SLC17A6: variants seen among roughly 807,000 people sequenced by gnomAD.
The protein encoded by SLC17A6 is vesicular glutamate transporter 2.
In SLC17A6, 35 loss-of-function variants were observed where a neutral mutation model predicts 67.1. That is an observed-to-expected ratio of 0.52 (90% CI 0.40 to 0.69). The LOEUF is 0.69. SLC17A6 is among the 30% of genes least tolerant of loss of function. The probability of loss-of-function intolerance (pLI) is 0.00; values close to 1 mark genes in which losing one functional copy is unlikely to be tolerated. For synonymous variants in SLC17A6, 285 were observed against 252.3 expected, an observed-to-expected ratio of 1.13 and a Z score of -1.23; for missense variants, 588 against 723.9, an observed-to-expected ratio of 0.81 and a Z score of 2.15.
chr11:22,339,494 T>C (rs977092516), intron 1 of SLC17A6, among the ~76,000 whole-genome samples: 5 of 152,138 alleles, frequency 3.3e-5, no homozygotes, highest in Admixed American at 2.0e-4. Context: ...TATTTAATCC[T>C]CCTGTAGTCA....
intron 3 of SLC17A6, among the ~76,000 whole-genome samples, chr11:22,359,067 C>T (rs990655287): frequency 6.6e-6 from 1 of 152,130 alleles, no homozygotes; most frequent in Admixed American, 6.5e-5. Context: ...AGCTCTTACC[C>T]TTAAGCAGTT....
chr11:22,355,458 G>T (rs974844314), intron 3 of SLC17A6, among the ~76,000 whole-genome samples: 1 of 152,092 alleles, frequency 6.6e-6, no homozygotes, highest in African/African-American at 2.4e-5. Flanking sequence ...GAACTTAGGT[G>T]GTTGTTAACC....
chr11:22,366,913 G>C (rs1856119056), intron 7 of SLC17A6, among the ~76,000 whole-genome samples: 1 of 149,268 alleles, frequency 6.7e-6, no homozygotes, highest in African/African-American at 2.5e-5. Flanking sequence ...GGCTAAGACA[G>C]AGGAATTGCT....
intron 3 of SLC17A6, among the ~76,000 whole-genome samples, chr11:22,350,968 ATAT>A (rs1392111862): frequency 1.3e-5 from 2 of 152,138 alleles, no homozygotes; most frequent in African/African-American, 4.8e-5. Flanking sequence ...ATACTGCCTG[ATAT>A]TATATAAAAC....
chr11:22,377,850 G>A lies in SLC17A6; in HGVS notation c.*110G>A. ...ACTTGCAAGCATATCAACCAGGCAA[G>A]TCTTGCTGTAAAAATGAAAACAAAA... is the stretch of plus-strand genomic sequence containing the variant. On this transcript the variant is annotated 3_prime_UTR_variant, in exon 12 of 12. Coordinates refer to ENST00000263160, the MANE Select transcript of SLC17A6 (RefSeq NM_020346.3). The A allele has an allele frequency of 1.1e-6, 1 of 888,330 alleles. No homozygotes were observed. Among genetic ancestry groups the A allele is most frequent in the Non-Finnish European group, 1.7e-6 (1 of 598,148 alleles). The allele number at this position is 888,330 out of a possible 1,614,324, so 55.0% of individuals were successfully genotyped here. A position where few individuals can be genotyped will look rare whatever the true frequency, so the allele number is the denominator to read the frequency against.
At chr11:22,361,538 G>A (rs780256087) in intron 5 of SLC17A6, among the ~76,000 whole-genome samples, 2 of 152,144 alleles carry the variant, frequency 1.3e-5, no homozygotes, top group African/African-American at 2.4e-5. Flanking sequence ...TTAAATTAAT[G>A]TGATCTTTAA....
At chr11:22,360,172 TACA>T (rs1248856547) in intron 4 of SLC17A6, among the ~76,000 whole-genome samples, 1 of 151,710 alleles carries the variant, frequency 6.6e-6, no homozygotes. Flanking sequence ...TCATGTCCTT[TACA>T]GAGACACAGA....
intron 1 of SLC17A6, among the ~76,000 whole-genome samples, chr11:22,339,672 T>C (rs1258026443): frequency 1.3e-5 from 2 of 152,300 alleles, no homozygotes; most frequent in East Asian, 1.9e-4. Context: ...TTGAAGTCTC[T>C]GTAAATGCAT....
intron 6 of SLC17A6, among the ~76,000 whole-genome samples, chr11:22,363,509 A>G (rs1411225040): frequency 6.6e-6 from 1 of 152,212 alleles, no homozygotes; most frequent in Non-Finnish European, 1.5e-5. Context: ...ATCCCAACTG[A>G]TATTGTCACT....
At chr11:22,354,996 A>G (rs1359177934) in intron 3 of SLC17A6, among the ~76,000 whole-genome samples, 1 of 152,252 alleles carries the variant, frequency 6.6e-6, no homozygotes, top group Non-Finnish European at 1.5e-5. Context: ...TTAGCCTAAC[A>G]GTAATCCTAA....
chr11:22,379,111 T>C lies in SLC17A6; in HGVS notation c.*1371T>C, dbSNP rs1312085627. ...CTGTATATTACCTTCATTTTGCTTGTAGTAGCTGTTTGGGTGGTTGGAATA... is the reference window on the plus strand; with the variant it reads ...CTGTATATTACCTTCATTTTGCTTGCAGTAGCTGTTTGGGTGGTTGGAATA... On this transcript the variant is annotated 3_prime_UTR_variant, in exon 12 of 12. Coordinates refer to ENST00000263160, the MANE Select transcript of SLC17A6 (RefSeq NM_020346.3). 6.6e-6 allele frequency: 1 copy of C among 152,552 alleles called. No homozygotes were observed. The highest frequency in any genetic ancestry group is 1.5e-5 in the Non-Finnish European group (1 of 67,982). 9.4% of individuals were successfully genotyped at this position (152,552 alleles called of 1,614,324 possible). A position where few individuals can be genotyped will look rare whatever the true frequency, so the allele number is the denominator to read the frequency against.
chr11:22,365,608 G>A lies in SLC17A6; in HGVS notation c.810G>A (p.Lys270=). The stretch of plus-strand genomic sequence containing the variant: ...TGGTGTCTTATGAAAGTCCTGCAAA[G>A]CATCCTACTATTACAGATGAAGAAC... ...WLLVSYESPA[K]HPTITDEERR... The change falls in exon 7 of 12, where the codon AAG becomes AAA. Residue 270 remains lysine, a synonymous_variant. Coordinates refer to ENST00000263160, the MANE Select transcript of SLC17A6 (RefSeq NM_020346.3). 1 of 1,613,980 alleles carries A rather than the reference G, an allele frequency of 6.2e-7. No individual in the cohort carries two copies. Among genetic ancestry groups the A allele is most frequent in the African/African-American group, 1.3e-5 (1 of 75,042 alleles).
rs1410901409 is a variant in SLC17A6 at position 22,359,464 on chromosome 11, A to G, written c.510A>G (p.Pro170=). 3.1e-6 allele frequency: 5 copies of G among 1,604,846 alleles called. No homozygotes were observed. The highest frequency in any genetic ancestry group is 2.3e-5 in the East Asian group (1 of 44,318). The change falls in exon 4 of 12, where the codon CCA becomes CCG. Residue 170 remains proline, a synonymous_variant. Transcript: ENST00000263160. ...LLTSTLNMLI[P]SAARVHYGCV... is the part of the protein sequence containing the mutation. ...CCTCTACCCTAAATATGCTAATTCC[A>G]TCAGCAGCCAGAGTGCATTATGGAT... is the stretch of plus-strand genomic sequence containing the variant.
In SLC17A6 at chr11:22,345,069, G is replaced by C. The variant is rs140395792; in HGVS notation, c.458+1704G>C. Among the ~76,000 whole-genome samples, 497 of 151,944 alleles carry C rather than the reference G, an allele frequency of 3.3e-3. 2 individuals are homozygous for C. Among genetic ancestry groups the C allele is most frequent in the African/African-American group, 0.012 (477 of 41,430 alleles). On this transcript the variant is annotated intron_variant, in intron 3 of 11. Coordinates refer to ENST00000263160, the MANE Select transcript of SLC17A6 (RefSeq NM_020346.3). ...AAAATATAATGGTGGTGACTTTAAG[G>C]GTTTTTTTCAGAGTCAAAATATTCA...
chr11:22,363,787 T>G (rs1332264437), intron 6 of SLC17A6, among the ~76,000 whole-genome samples: 1 of 152,148 alleles, frequency 6.6e-6, no homozygotes, highest in Non-Finnish European at 1.5e-5. Flanking sequence ...ACATTTTTTT[T>G]TTCTTAGGGA....
chr11:22,369,488 A>C (rs963151703), intron 7 of SLC17A6, among the ~76,000 whole-genome samples: 1 of 152,044 alleles, frequency 6.6e-6, no homozygotes, highest in Non-Finnish European at 1.5e-5. Flanking sequence ...ACTAGCTATC[A>C]AGATAATTTA....
intron 2 of SLC17A6, among the ~76,000 whole-genome samples, chr11:22,342,347 C>A (rs529353395): frequency 6.6e-6 from 1 of 152,062 alleles, no homozygotes; most frequent in Non-Finnish European, 1.5e-5. Flanking sequence ...TCACAGAACC[C>A]CTGGGTCCAG....
chr11:22,341,768 G>C lies in SLC17A6; in HGVS notation c.327G>C (p.Lys109Asn), dbSNP rs758726697. 11 of 1,613,998 alleles carry C rather than the reference G, an allele frequency of 6.8e-6. No homozygotes were observed. The East Asian group carries it at 2.5e-4, about 36-fold the overall frequency. The change falls in exon 2 of 12, where the codon AAG becomes AAC. Residue 109 changes from lysine (K) to asparagine (N), a missense_variant. Lys to Asn is a moderately conservative substitution (Grantham distance 94). This residue lies in a region of SLC17A6 where 48 missense variants were observed against 36.5 expected (regional missense o/e 1.32). Coordinates refer to ENST00000263160, the MANE Select transcript of SLC17A6 (RefSeq NM_020346.3). Reference sequence around the variant, plus strand: ...ACAGCACCATCCACCGCGGGGGCAAGGTCATCAAGGAGGTGGGCAACGTCT... The same window carrying C: ...ACAGCACCATCCACCGCGGGGGCAACGTCATCAAGGAGGTGGGCAACGTCT... ...VNNSTIHRGGKVIKEKAKFNW... is the reference protein window; with the variant it reads ...VNNSTIHRGGNVIKEKAKFNW...
chr11:22,360,134 T>C (rs1856033993), intron 4 of SLC17A6, among the ~76,000 whole-genome samples: 2 of 150,944 alleles, frequency 1.3e-5, no homozygotes, highest in South Asian at 4.2e-4. Context: ...CCCTTTCTCA[T>C]ACTATGCAGT....
Sources: gnomAD v4.1 joint callset for allele counts (sites outside exome capture counted in the v4.1 genomes callset) on GRCh38, gnomAD v4.1.1 for gene constraint, gnomAD v4.1.1 regional missense constraint, MANE v1.5 for transcripts, NCBI Gene and HGNC (gene_info 2026-07-23, HGNC 2026-07-21) for gene names.